TRAPPC11: variants seen among roughly 807,000 people sequenced by gnomAD.
The protein encoded by TRAPPC11 is trafficking protein particle complex subunit 11.
TRAPPC11 carries 104 observed loss-of-function variants against 151.2 expected under a neutral mutation model. The ratio of observed to expected loss-of-function variants is 0.69; its 90% CI spans 0.59 to 0.81. TRAPPC11 has a LOEUF of 0.81. Ranked by LOEUF, TRAPPC11 falls within the 30% of genes least tolerant of loss-of-function variation. TRAPPC11 has a pLI of 0.00. For missense variants in TRAPPC11, 1,230 were observed against 1,349.6 expected, an observed-to-expected ratio of 0.91 and a Z score of 1.39; for synonymous variants, 456 against 472.3, an observed-to-expected ratio of 0.97 and a Z score of 0.45.
At chr4:183,675,848 T>C (rs1735382530) in intron 7 of TRAPPC11, 1 of 152,210 alleles carries the variant, frequency 6.6e-6, no homozygotes. Flanking sequence ...TGAAGATTAG[T>C]TGCAGATGTG....
chr4:183,660,431 C>T (rs952219995), intron 1 of TRAPPC11, among the ~76,000 whole-genome samples: 17 of 152,160 alleles, frequency 1.1e-4, no homozygotes, highest in Non-Finnish European at 2.5e-4. Flanking sequence ...ATATTATTGT[C>T]AGTATGATAA....
chr4:183,709,500 G>A (rs1013513667), intron 29 of TRAPPC11, among the ~76,000 whole-genome samples: 2 of 152,144 alleles, frequency 1.3e-5, no homozygotes, highest in Non-Finnish European at 2.9e-5. Flanking sequence ...AAGAGGCCTG[G>A]CGCAGTGGCT....
intron 5 of TRAPPC11, among the ~76,000 whole-genome samples, chr4:183,671,395 T>C (rs1579167575): frequency 6.6e-6 from 1 of 152,300 alleles, no homozygotes; most frequent in East Asian, 1.9e-4. Flanking sequence ...TCTGTCCCCT[T>C]TTCCTGAAAA....
chr4:183,661,060 GTTTC>G (rs1444646528), intron 1 of TRAPPC11, among the ~76,000 whole-genome samples: 1 of 151,958 alleles, frequency 6.6e-6, no homozygotes, highest in Admixed American at 6.6e-5. Flanking sequence ...GAACTAGACT[GTTTC>G]TTTCTCTGAA....
At chr4:183,681,325 G>A (rs1735679563) in intron 10 of TRAPPC11, among the ~76,000 whole-genome samples, 1 of 151,894 alleles carries the variant, frequency 6.6e-6, no homozygotes, top group Admixed American at 6.6e-5. Context: ...TGATTTAGCT[G>A]TTTTTGCCAT....
At chr4:183,704,059 A>T (rs1736928986) in intron 26 of TRAPPC11, among the ~76,000 whole-genome samples, 1 of 152,212 alleles carries the variant, frequency 6.6e-6, no homozygotes, top group Non-Finnish European at 1.5e-5. Flanking sequence ...TCTTGCTACC[A>T]AAACACTGTA....
In TRAPPC11 at chr4:183,679,383, C is replaced by T. The variant is rs778314763; in HGVS notation, c.862C>T (p.Pro288Ser). The T allele has an allele frequency of 6.2e-7, 1 of 1,611,658 alleles. No homozygotes were observed. The highest frequency in any genetic ancestry group is 1.1e-5 in the South Asian group (1 of 90,600). ...TAGGCTGTGTTTTCAACACAACACCCCATTGGATGCAATTGCTCAGTTCCG... is the reference window on the plus strand; with the variant it reads ...TAGGCTGTGTTTTCAACACAACACCTCATTGGATGCAATTGCTCAGTTCCG... ...ICRLCFQHNTPLDAIAQFRKH... is the reference protein window; with the variant it reads ...ICRLCFQHNTSLDAIAQFRKH... The change falls in exon 9 of 30, where the codon CCA (proline) becomes TCA (serine). Residue 288 changes from proline (P) to serine (S), a missense_variant. Transcript: ENST00000334690.
chr4:183,704,989 A>G lies in TRAPPC11; in HGVS notation c.2974A>G (p.Met992Val). 6 of 1,593,140 alleles carry G rather than the reference A, an allele frequency of 3.8e-6. No individual in the cohort carries two copies. The African/African-American group carries it at 5.3e-5, about 14-fold the overall frequency. The change falls in exon 27 of 30, where the codon ATG (methionine) becomes GTG (valine). Residue 992 changes from methionine to valine, a missense_variant. Coordinates refer to ENST00000334690, the MANE Select transcript of TRAPPC11 (RefSeq NM_021942.6). ...CCTCTTCTGCCACAGGACCTCAGCAATGGAGAATATCCCCATCATCACAAC... is the reference window on the plus strand; with the variant it reads ...CCTCTTCTGCCACAGGACCTCAGCAGTGGAGAATATCCCCATCATCACAAC... ...YIISWKRTSA[M>V]ENIPIITTVI... is the part of the protein sequence containing the mutation.
Position 183,709,727 on chromosome 4 carries a change from G to A in TRAPPC11, c.3357+1153G>A, listed in dbSNP as rs187637953. On this transcript the variant is annotated intron_variant, in intron 29 of 29. Transcript: ENST00000334690. Reference sequence around the variant, plus strand: ...GAGGCAGAGCTTGCAGTGAGTGGAGGTTGTGCCACTGCACTCCAGCCTGGG... The same window carrying A: ...GAGGCAGAGCTTGCAGTGAGTGGAGATTGTGCCACTGCACTCCAGCCTGGG... Among the ~76,000 whole-genome samples the A allele has an allele frequency of 2.4e-3, 366 of 152,226 alleles. 1 individual carries two copies. The highest frequency in any genetic ancestry group is 8.4e-3 in the African/African-American group (347 of 41,542).
rs1171639725 is a variant in TRAPPC11 at position 183,671,306 on chromosome 4, T to C, written c.560+3189T>C. Among the ~76,000 whole-genome samples the C allele has an allele frequency of 6.6e-5, 10 of 152,350 alleles. No homozygotes were observed. In the East Asian group the frequency reaches 1.5e-3, roughly 23 times the overall value. ...TAGATTTTTGTCTCTGATCTTCGTC[T>C]TTCCATAAATTAAAAATTGGAACTG... is the stretch of plus-strand genomic sequence containing the variant. On this transcript the variant is annotated intron_variant, in intron 5 of 29. Transcript: ENST00000334690.
At chr4:183,673,466 G>GA (rs1735255510) in intron 5 of TRAPPC11, among the ~76,000 whole-genome samples, 1 of 151,762 alleles carries the variant, frequency 6.6e-6, no homozygotes, top group African/African-American at 2.4e-5. Context: ...TTAAGTCCAG[G>GA]AATTTGAGAC....
chr4:183,683,035 T>C (rs142622770), intron 11 of TRAPPC11, among the ~76,000 whole-genome samples: 21 of 152,280 alleles, frequency 1.4e-4, no homozygotes, highest in Non-Finnish European at 2.9e-4. Context: ...GATTAAAACA[T>C]GTATCTGGGT....
intron 2 of TRAPPC11, among the ~76,000 whole-genome samples, chr4:183,665,379 C>T (rs1028908363): frequency 1.3e-5 from 2 of 152,156 alleles, no homozygotes; most frequent in Non-Finnish European, 2.9e-5. Flanking sequence ...CAGGCGTGAG[C>T]CACCGTGCCA....
intron 29 of TRAPPC11, among the ~76,000 whole-genome samples, chr4:183,710,379 T>G (rs1322202534): frequency 6.6e-6 from 1 of 151,814 alleles, no homozygotes; most frequent in Non-Finnish European, 1.5e-5. Flanking sequence ...CTCTGCCTCC[T>G]GGGTTCACGC....
chr4:183,709,377 C>G (rs1411310142), intron 29 of TRAPPC11, among the ~76,000 whole-genome samples: 1 of 152,126 alleles, frequency 6.6e-6, no homozygotes, highest in Non-Finnish European at 1.5e-5. Context: ...ATAATATTCT[C>G]TGTACTCTGC....
At chr4:183,666,611 G>A (rs1734898313) in intron 3 of TRAPPC11, among the ~76,000 whole-genome samples, 185 bp downstream of exon 3, 1 of 152,206 alleles carries the variant, frequency 6.6e-6, no homozygotes, top group Non-Finnish European at 1.5e-5. Flanking sequence ...CTGGGTACGT[G>A]AAGAAATTTA....
intron 17 of TRAPPC11, 131 bp downstream of exon 17, chr4:183,685,534 A>AT (rs1183777520): frequency 9.5e-4 from 1,003 of 1,051,514 alleles, no homozygotes; most frequent in South Asian, 1.1e-3. Flanking sequence ...AGATAAACTG[A>AT]TTTTTTTTTG....
intron 3 of TRAPPC11, among the ~76,000 whole-genome samples, chr4:183,666,736 A>G (rs1335301881): frequency 6.6e-6 from 1 of 152,226 alleles, no homozygotes; most frequent in East Asian, 1.9e-4. Context: ...TTTAAGTTTC[A>G]AATAATTAAT....
At chr4:183,664,122 G>A (rs756302447) in intron 2 of TRAPPC11, 51 bp downstream of exon 2, 2 of 1,470,698 alleles carry the variant, frequency 1.4e-6, no homozygotes, top group Admixed American at 3.4e-5. Context: ...CTCTATGTGT[G>A]TGTGTGTGTC....
Sources: allele counts gnomAD v4.1 joint callset (sites outside exome capture counted in the v4.1 genomes callset), GRCh38; gene constraint gnomAD v4.1.1; transcripts MANE v1.5; gene names NCBI Gene and HGNC (gene_info 2026-07-23, HGNC 2026-07-21).